Variants in ADARB2 observed in about 807,000 individuals in gnomAD.
The protein encoded by ADARB2 is adenosine deaminase RNA specific B2 (inactive).
In ADARB2, 25 loss-of-function variants were observed where a neutral mutation model predicts 62.2. The ratio of observed to expected loss-of-function variants is 0.40; its 90% CI spans 0.29 to 0.56. ADARB2 has a LOEUF of 0.56. Ranked by LOEUF, ADARB2 falls within the 20% of genes least tolerant of loss-of-function variation. The probability of loss-of-function intolerance (pLI) is 0.43; values close to 1 mark genes in which losing one functional copy is unlikely to be tolerated. For missense variants in ADARB2, 1,071 were observed against 1,077.4 expected (o/e 0.99, Z 0.08); for synonymous variants, 572 against 500.8 (o/e 1.14, Z -1.90).
rs74537370 is a variant in ADARB2 at position 1,540,679 on chromosome 10, C to T, written c.101-161519G>A. On this transcript the variant is annotated intron_variant, in intron 1 of 9. Transcript: ENST00000381312. ...CGCAGTTTGGACCCTGGATCACAGC[C>T]GTCCAGACCCCACTCAGACGCAGTT... 5.1e-3 allele frequency among the ~76,000 whole-genome samples: 463 copies of T among 90,900 alleles called. 34 individuals carry two copies. In the East Asian group the frequency reaches 0.052, roughly 10 times the overall value. The allele number at this position is 90,900 out of a possible 152,430, so 59.6% of individuals were successfully genotyped here.
intron 1 of ADARB2, among the ~76,000 whole-genome samples, chr10:1,538,737 C>T (rs116345663): frequency 0.024 from 3,590 of 152,314 alleles, 138 homozygotes; most frequent in African/African-American, 0.081. Flanking sequence ...GACGTCACAA[C>T]GTCGGGGCCA....
rs190801192 is a variant in ADARB2, at chr10:1,565,724, C to A, written c.100+171327G>T. Among the ~76,000 whole-genome samples, 114 of 152,330 alleles carry A rather than the reference C, an allele frequency of 7.5e-4. 1 individual carries two copies. Among genetic ancestry groups the A allele is most frequent in the Non-Finnish European group, 1.3e-4 (9 of 68,030 alleles). The stretch of plus-strand genomic sequence containing the variant: ...ACAATTTGTCCCGGCTGACTATACA[C>A]TGTGTTTGTGGTATGCCAAAGACAC... On this transcript the variant is annotated intron_variant, in intron 1 of 9. Coordinates refer to ENST00000381312, the MANE Select transcript of ADARB2 (RefSeq NM_018702.4).
intron 3 of ADARB2, among the ~76,000 whole-genome samples, chr10:1,325,587 TAAG>T (rs1046087827): frequency 6.6e-6 from 1 of 152,100 alleles, no homozygotes; most frequent in Non-Finnish European, 1.5e-5. Context: ...GGAAAAGAAA[TAAG>T]AAAAGTATTC....
At chr10:1,373,810 G>C (rs11250478) in intron 2 of ADARB2, among the ~76,000 whole-genome samples, 1 of 37,194 alleles carries the variant, frequency 2.7e-5, no homozygotes, top group African/African-American at 6.3e-5. Flanking sequence ...TTCCTAGTGA[G>C]ACCGCGTGGA....
At chr10:1,311,897 G>GGAAT (rs1368410354) in intron 3 of ADARB2, among the ~76,000 whole-genome samples, 1 of 152,146 alleles carries the variant, frequency 6.6e-6, no homozygotes, top group Non-Finnish European at 1.5e-5. Context: ...GAAAGTGGAA[G>GGAAT]GAATGATTGA....
chr10:1,490,864 C>T (rs540664281), intron 1 of ADARB2, among the ~76,000 whole-genome samples: 15 of 152,260 alleles, frequency 9.9e-5, no homozygotes, highest in Non-Finnish European at 1.3e-4. Flanking sequence ...GACCATACCC[C>T]AGTTGTCTCA....
At chr10:1,557,434 G>A (rs992524953) in intron 1 of ADARB2, among the ~76,000 whole-genome samples, 2 of 152,102 alleles carry the variant, frequency 1.3e-5, no homozygotes, top group African/African-American at 2.4e-5. Context: ...CCTAAAATTC[G>A]CAGCCACGGT....
chr10:1,733,300 AG>A (rs1280097085), intron 1 of ADARB2, among the ~76,000 whole-genome samples: 4 of 152,256 alleles, frequency 2.6e-5, no homozygotes, highest in Non-Finnish European at 5.9e-5. Context: ...CCTTTTTCAA[AG>A]AAAAATTCTG....
chr10:1,295,309 T>C (rs978250957), intron 3 of ADARB2, among the ~76,000 whole-genome samples: 7 of 152,100 alleles, frequency 4.6e-5, no homozygotes, highest in African/African-American at 1.7e-4. Context: ...TGCAAAATCT[T>C]GGGAAGAGTG....
intron 3 of ADARB2, among the ~76,000 whole-genome samples, chr10:1,300,293 G>T (rs1831561408): frequency 6.6e-6 from 1 of 152,166 alleles, no homozygotes; most frequent in South Asian, 2.1e-4. Context: ...ATTGAAGGCT[G>T]CCCTCGCAGC....
At position 1,737,437 on chromosome 10, in the gene ADARB2, T is replaced by G; in HGVS notation, c.-287A>C. ...GCGCGGCGTCCTGAGTGCTCCGAGCTTCCCGCGGGCTCTGCCTCCTGCTCT... is the reference window on the plus strand; with the variant it reads ...GCGCGGCGTCCTGAGTGCTCCGAGCGTCCCGCGGGCTCTGCCTCCTGCTCT... On this transcript the variant is annotated 5_prime_UTR_variant, in exon 1 of 10. Coordinates refer to ENST00000381312, the MANE Select transcript of ADARB2 (RefSeq NM_018702.4). 9.7e-6 allele frequency: 4 copies of G among 413,956 alleles called. No individual in the cohort carries two copies. Among genetic ancestry groups the G allele is most frequent in the Non-Finnish European group, 1.8e-5 (4 of 226,674 alleles). The allele number at this position is 413,956 out of a possible 1,614,324, so 25.6% of individuals were successfully genotyped here.
chr10:1,190,558 G>A (rs1365101279), intron 8 of ADARB2, among the ~76,000 whole-genome samples: 3 of 152,220 alleles, frequency 2.0e-5, no homozygotes, highest in Non-Finnish European at 2.9e-5. Context: ...GAGGCTGGAA[G>A]TCTGAAGGTG....
chr10:1,445,102 TATCC>T (rs368381647), intron 1 of ADARB2, among the ~76,000 whole-genome samples: 82 of 143,414 alleles, frequency 5.7e-4, no homozygotes, highest in African/African-American at 1.6e-3. Flanking sequence ...CCCACCCATC[TATCC>T]ATCCATCCAT....
intron 1 of ADARB2, among the ~76,000 whole-genome samples, chr10:1,589,889 C>T (rs1431798557): frequency 2.6e-5 from 4 of 152,218 alleles, no homozygotes; most frequent in Non-Finnish European, 5.9e-5. Context: ...CCAGGCTGGT[C>T]TCAAACTCCT....
intron 1 of ADARB2, among the ~76,000 whole-genome samples, chr10:1,438,725 CT>C: frequency 6.6e-6 from 1 of 151,240 alleles, no homozygotes; most frequent in East Asian, 1.9e-4. Context: ...CCTGAGTCTC[CT>C]CAGCAGATGG....
chr10:1,201,077 C>T (rs907134048), intron 7 of ADARB2, among the ~76,000 whole-genome samples: 5 of 152,178 alleles, frequency 3.3e-5, no homozygotes, highest in East Asian at 3.8e-4. Context: ...TCCGAGAACC[C>T]GTGATACCAA....
chr10:1,686,812 T>C (rs922355542), intron 1 of ADARB2, among the ~76,000 whole-genome samples: 2 of 152,206 alleles, frequency 1.3e-5, no homozygotes, highest in Admixed American at 6.5e-5. Context: ...TTAACAAATG[T>C]TTATTGTTGA....
At chr10:1,265,942 G>A (rs1831193746) in intron 4 of ADARB2, among the ~76,000 whole-genome samples, 1 of 124,464 alleles carries the variant, frequency 8.0e-6, no homozygotes, top group South Asian at 3.0e-4. Flanking sequence ...CCCGGAAGAC[G>A]GCCTGAGAGG....
chr10:1,717,344 T>G lies in ADARB2; in HGVS notation c.100+19707A>C, dbSNP rs937021736. Among the ~76,000 whole-genome samples, 9 of 151,560 alleles carry G rather than the reference T, an allele frequency of 5.9e-5. No homozygotes were observed. The South Asian group carries it at 8.4e-4, about 14-fold the overall frequency. On this transcript the variant is annotated intron_variant, in intron 1 of 9. Transcript: ENST00000381312. ...GGGGACCCCAGGGCAGCTGGGCCTG[T>G]GTCAGTGACAAGTCCATCCTGACAG...
Sources: gnomAD v4.1 joint callset for allele counts (sites outside exome capture counted in the v4.1 genomes callset) on GRCh38, gnomAD v4.1.1 for gene constraint, MANE v1.5 for transcripts, NCBI Gene and HGNC (gene_info 2026-07-23, HGNC 2026-07-21) for gene names.